The following PIP5K1A variants were observed in gnomAD, a reference collection of about 807,000 sequenced individuals.
PIP5K1A encodes phosphatidylinositol 4-phosphate 5-kinase type-1 alpha.
PIP5K1A carries 46 observed loss-of-function variants against 72.9 expected under a neutral mutation model. The ratio of observed to expected loss-of-function variants is 0.63; its 90% CI spans 0.50 to 0.81. PIP5K1A has a LOEUF of 0.81. Among genes scored for constraint, PIP5K1A ranks in the 30% least tolerant of loss-of-function variants. The pLI, the probability that PIP5K1A is intolerant of heterozygous loss-of-function variation, is 0.00. For missense variants in PIP5K1A, 458 were observed against 706.1 expected, an observed-to-expected ratio of 0.65 and a Z score of 3.98; for synonymous variants, 228 against 255.1, an observed-to-expected ratio of 0.89 and a Z score of 1.01.
chr1:151,213,746 G>T (rs963627789), intron 1 of PIP5K1A, among the ~76,000 whole-genome samples: 1 of 152,146 alleles, frequency 6.6e-6, no homozygotes. Context: ...TGTGTGTGGG[G>T]AGTGTGGTGG....
intron 1 of PIP5K1A, among the ~76,000 whole-genome samples, chr1:151,222,307 T>C (rs1420929731): frequency 6.6e-6 from 1 of 152,178 alleles, no homozygotes; most frequent in Non-Finnish European, 1.5e-5. Context: ...CTGCGTGCTC[T>C]TGGAATTAGT....
intron 1 of PIP5K1A, among the ~76,000 whole-genome samples, chr1:151,205,681 C>T (rs1685829534): frequency 6.6e-6 from 1 of 151,872 alleles, no homozygotes; most frequent in Non-Finnish European, 1.5e-5. Context: ...TCGTGTAATC[C>T]CAGCTGCTAG....
intron 1 of PIP5K1A, among the ~76,000 whole-genome samples, chr1:151,200,578 C>T (rs903971492): frequency 2.0e-4 from 31 of 152,080 alleles, no homozygotes; most frequent in Admixed American, 8.5e-4. Flanking sequence ...TGCGTTTTTG[C>T]TGTTTAGAAT....
At position 151,232,549 on chromosome 1, in the gene PIP5K1A, A is replaced by G; in HGVS notation, c.487-2A>G. 6.3e-7 allele frequency: 1 copy of G among 1,598,514 alleles called. No homozygotes were observed. Among genetic ancestry groups the G allele is most frequent in the Non-Finnish European group, 8.5e-7 (1 of 1,174,180 alleles). ...CTCTTAGTTCTTCTCTGTTTGCCCC[A>G]GTATTCCCTCTGCAGTGAGCCGCTG... is the stretch of plus-strand genomic sequence containing the variant. On this transcript the variant is annotated splice_acceptor_variant, in intron 6 of 15. Coordinates refer to ENST00000368888, the MANE Select transcript of PIP5K1A (RefSeq NM_001135638.2). LOFTEE classifies it high-confidence loss of function.
Position 151,198,985 on chromosome 1 carries a change from G to T in PIP5K1A, c.-12G>T. ...AGAGAGCCAGGCCGCTGAGGGGGAGGGGGCTGCTAAGATGGCGTCGGCCTC... is the reference window on the plus strand; with the variant it reads ...AGAGAGCCAGGCCGCTGAGGGGGAGTGGGCTGCTAAGATGGCGTCGGCCTC... On this transcript the variant is annotated 5_prime_UTR_variant, in exon 1 of 16. Coordinates refer to ENST00000368888, the MANE Select transcript of PIP5K1A (RefSeq NM_001135638.2). 6.2e-7 allele frequency: 1 copy of T among 1,613,286 alleles called. No homozygotes were observed.
rs200530355 is a variant in PIP5K1A at position 151,198,979 on chromosome 1, G to C, written c.-18G>C. The C allele has an allele frequency of 4.3e-6, 7 of 1,611,928 alleles. No individual in the cohort carries two copies. The highest frequency in any genetic ancestry group is 2.2e-5 in the East Asian group (1 of 44,880). ...ATTGAAAGAGAGCCAGGCCGCTGAG[G>C]GGGAGGGGGCTGCTAAGATGGCGTC... is the stretch of plus-strand genomic sequence containing the variant. On this transcript the variant is annotated 5_prime_UTR_variant, in exon 1 of 16. Coordinates refer to ENST00000368888, the MANE Select transcript of PIP5K1A (RefSeq NM_001135638.2).
intron 1 of PIP5K1A, among the ~76,000 whole-genome samples, chr1:151,200,954 C>G (rs1342803505): frequency 2.0e-5 from 3 of 152,030 alleles, no homozygotes; most frequent in African/African-American, 4.8e-5. Flanking sequence ...CTCAGCCTCC[C>G]GAGTAGCTGG....
chr1:151,237,739 G>A (rs1691098719), intron 9 of PIP5K1A, among the ~76,000 whole-genome samples: 2 of 152,138 alleles, frequency 1.3e-5, no homozygotes, highest in South Asian at 2.1e-4. Flanking sequence ...AATTACTGAA[G>A]TGTCACAAAT....
intron 7 of PIP5K1A, 30 bp from the exon 8 acceptor site, chr1:151,234,167 T>C (rs753809228): frequency 1.3e-6 from 2 of 1,545,790 alleles, no homozygotes; most frequent in Admixed American, 2.0e-5. Context: ...TAAGTTGTTC[T>C]CCTACTTCTG....
At chr1:151,237,936 C>T (rs1691124376) in intron 9 of PIP5K1A, among the ~76,000 whole-genome samples, 1 of 151,920 alleles carries the variant, frequency 6.6e-6, no homozygotes, top group African/African-American at 2.4e-5. Context: ...AAGAGGTAGG[C>T]AAGAAGATTT....
chr1:151,198,054 G>A (rs1423864739), upstream of PIP5K1A: 1 of 470,944 alleles, frequency 2.1e-6, no homozygotes, highest in South Asian at 1.5e-5. Flanking sequence ...TCACTGTGCA[G>A]TGCCTAACTT....
At chr1:151,199,646 CAA>C (rs952247201) in intron 1 of PIP5K1A, among the ~76,000 whole-genome samples, 8 of 148,874 alleles carry the variant, frequency 5.4e-5, no homozygotes, top group South Asian at 2.1e-4. Context: ...CGGTAGGAAA[CAA>C]GAGAAACGGA....
intron 1 of PIP5K1A, chr1:151,223,908 C>A: frequency 3.8e-6 from 1 of 265,020 alleles, no homozygotes; most frequent in Non-Finnish European, 7.2e-6. Context: ...GAATCACTTG[C>A]AGTGAGCTGA....
At chr1:151,232,891 G>A (rs1033361702) in intron 7 of PIP5K1A, among the ~76,000 whole-genome samples, 188 bp downstream of exon 7, 4 of 152,066 alleles carry the variant, frequency 2.6e-5, no homozygotes, top group Non-Finnish European at 5.9e-5. Context: ...ACAAGATCAG[G>A]AGATCAAGAC....
intron 12 of PIP5K1A, among the ~76,000 whole-genome samples, 170 bp from the exon 13 acceptor site, chr1:151,241,953 C>A (rs998643439): frequency 7.2e-5 from 11 of 152,186 alleles, no homozygotes; most frequent in African/African-American, 2.2e-4. Context: ...TGAGCTAACA[C>A]CTTGTTCTCT....
intron 1 of PIP5K1A, among the ~76,000 whole-genome samples, chr1:151,202,555 C>G (rs1004617488): frequency 1.3e-5 from 2 of 152,112 alleles, no homozygotes; most frequent in African/African-American, 4.8e-5. Context: ...TCATTGCAGC[C>G]TCAGCCTCCC....
At chr1:151,233,099 CAAAAAAA>C (rs11431839) in intron 7 of PIP5K1A, among the ~76,000 whole-genome samples, 1 of 107,536 alleles carries the variant, frequency 9.3e-6, no homozygotes, top group African/African-American at 3.7e-5. Context: ...GACTCCGTCT[CAAAAAAA>C]AAAAAAAAAA....
At chr1:151,236,821 C>CA in intron 9 of PIP5K1A, 58 bp downstream of exon 9, 1 of 495,992 alleles carries the variant, frequency 2.0e-6, no homozygotes, top group Non-Finnish European at 3.3e-6. Context: ...CTTTTCTTTT[C>CA]TTTTTTTTTT....
chr1:151,232,684 T>C lies in PIP5K1A; in HGVS notation c.620T>C (p.Leu207Pro). The C allele has an allele frequency of 6.2e-7, 1 of 1,613,984 alleles. No individual in the cohort carries two copies. The highest frequency in any genetic ancestry group is 8.5e-7 in the Non-Finnish European group (1 of 1,179,934). The change falls in exon 7 of 16, where the codon CTG (leucine) becomes CCG (proline). Residue 207 changes from leucine to proline, a missense_variant. Transcript: ENST00000368888. ...AAAGAGGCGGAATTTCTGCAGAAGC[T>C]GCTTCCAGGATACTACATGGTAAGG... ...QHKEAEFLQK[L>P]LPGYYMNLNQ...
Sources: gnomAD v4.1 joint callset for allele counts (sites outside exome capture counted in the v4.1 genomes callset) on GRCh38, gnomAD v4.1.1 for gene constraint, MANE v1.5 for transcripts, NCBI Gene and HGNC (gene_info 2026-07-23, HGNC 2026-07-21) for gene names.